CCNA1: variants seen among roughly 807,000 people sequenced by gnomAD.
CCNA1 encodes the protein cyclin A1, also known as cyclin-A1.
CCNA1 carries 23 observed loss-of-function variants against 54.1 expected under a neutral mutation model. The observed-to-expected ratio is 0.42, with a 90% CI of 0.31 to 0.60. CCNA1 has a LOEUF of 0.60. CCNA1 is among the 20% of genes least tolerant of loss of function. The pLI is 0.14. For synonymous variants in CCNA1, 208 were observed against 213.9 expected (o/e 0.97, Z 0.24); for missense variants, 450 against 556.7 (o/e 0.81, Z 1.93).
At position 36,442,736 on chromosome 13, in the gene CCNA1, G is replaced by A. The variant is rs1010267371; in HGVS notation, c.*71G>A. The stretch of plus-strand genomic sequence containing the variant: ...GTGCCAATAATCGTCATAGGCTTCT[G>A]CACGTTGGATCAACTAATGTTGTTT... On this transcript the variant is annotated 3_prime_UTR_variant, in exon 9 of 9. Coordinates refer to ENST00000255465, the MANE Select transcript of CCNA1 (RefSeq NM_003914.4). The A allele has an allele frequency of 2.6e-5, 32 of 1,225,844 alleles. No individual in the cohort carries two copies. Among genetic ancestry groups the A allele is most frequent in the Non-Finnish European group, 3.6e-5 (30 of 831,466 alleles). The allele number at this position is 1,225,844 out of a possible 1,614,324, so 75.9% of individuals were successfully genotyped here. A position where few individuals can be genotyped will look rare whatever the true frequency, so the allele number is the denominator to read the frequency against.
At chr13:36,437,532 TCTTAC>T in intron 2 of CCNA1, 92 bp from the exon 3 acceptor site, 1 of 1,211,458 alleles carries the variant, frequency 8.3e-7, no homozygotes, top group Non-Finnish European at 1.2e-6. Context: ...TTAGAATGTA[TCTTAC>T]CTTCCCAGGC....
At chr13:36,432,202 G>A (rs1477099513), upstream of CCNA1, 2 of 168,752 alleles carry the variant, frequency 1.2e-5, no homozygotes, top group African/African-American at 4.8e-5. Context: ...GCCCCGGAGA[G>A]CGCACGCCTG....
In CCNA1 at chr13:36,438,062, T is replaced by C. The variant is rs1421845920; in HGVS notation, c.545-5T>C. On this transcript the variant is annotated splice_region_variant and splice_polypyrimidine_tract_variant and intron_variant, in intron 3 of 8. Transcript: ENST00000255465. Reference sequence around the variant, plus strand: ...GAGTTATCTGACAGTGTTGAACTCTTGCAGTTTCCCCTATGCTGGTAGATT... The same window carrying C: ...GAGTTATCTGACAGTGTTGAACTCTCGCAGTTTCCCCTATGCTGGTAGATT... 1.4e-5 allele frequency: 22 copies of C among 1,612,030 alleles called. No homozygotes were observed. The highest frequency in any genetic ancestry group is 1.9e-5 in the Non-Finnish European group (22 of 1,179,394).
chr13:36,434,700 T>C (rs886258177), intron 2 of CCNA1, among the ~76,000 whole-genome samples: 2 of 151,814 alleles, frequency 1.3e-5, no homozygotes, highest in South Asian at 4.2e-4. Context: ...GCTGATCACT[T>C]TGTATCTTAT....
At chr13:36,433,329 A>G in intron 2 of CCNA1, 108 bp downstream of exon 2, 1 of 619,666 alleles carries the variant, frequency 1.6e-6, no homozygotes, top group Non-Finnish European at 2.6e-6. Flanking sequence ...CCTGAGTATT[A>G]CAACCCTGGA....
intron 1 of CCNA1, 83 bp from the exon 2 acceptor site, chr13:36,432,950 C>T (rs1264883917): frequency 7.6e-7 from 1 of 1,318,688 alleles, no homozygotes; most frequent in Non-Finnish European, 1.1e-6. Flanking sequence ...TGGTGCTCTC[C>T]CTCCTAGAGG....
Position 36,437,621 on chromosome 13 carries a change from T to G in CCNA1, c.298-8T>G, listed in dbSNP as rs1566171588. On this transcript the variant is annotated splice_polypyrimidine_tract_variant and splice_region_variant and intron_variant, in intron 2 of 8. Transcript: ENST00000255465. ...TGGCCTCTAACAAAAGATTTAAACG[T>G]TTTTTAGGGGATCACAAGAATCAGG... The G allele has an allele frequency of 3.7e-6, 6 of 1,613,074 alleles. No individual in the cohort carries two copies. The highest frequency in any genetic ancestry group is 5.1e-6 in the Non-Finnish European group (6 of 1,179,634).
In CCNA1 at chr13:36,433,141, C is replaced by T. The variant is rs370590641; in HGVS notation, c.217C>T (p.Pro73Ser). 7 of 1,614,172 alleles carry T rather than the reference C, an allele frequency of 4.3e-6. No homozygotes were observed. The highest frequency in any genetic ancestry group is 5.9e-6 in the Non-Finnish European group (7 of 1,180,034). ...TGCTTGTCAGATACTCACCAGAGCCCCGCTGGGCCAGGATCCCCCGCAGAG... is the reference window on the plus strand; with the variant it reads ...TGCTTGTCAGATACTCACCAGAGCCTCGCTGGGCCAGGATCCCCCGCAGAG... Residue 73 changes from proline (P) to serine (S), a missense_variant, in exon 2 of 9, where the codon CCG (proline) becomes TCG (serine). Coordinates refer to ENST00000255465, the MANE Select transcript of CCNA1 (RefSeq NM_003914.4).
Position 36,433,802 on chromosome 13 carries a change from A to G in CCNA1, c.297+581A>G, listed in dbSNP as rs563258094. Among the ~76,000 whole-genome samples, 12 of 152,068 alleles carry G rather than the reference A, an allele frequency of 7.9e-5. No homozygotes were observed. The South Asian group carries it at 1.0e-3, about 13-fold the overall frequency. On this transcript the variant is annotated intron_variant, in intron 2 of 8. Coordinates refer to ENST00000255465, the MANE Select transcript of CCNA1 (RefSeq NM_003914.4). ...GTGACCCGCCCACCTCGGCCTCCCAAAGTGTTGGGATTACAGGCGTCAGCC... is the reference window on the plus strand; with the variant it reads ...GTGACCCGCCCACCTCGGCCTCCCAGAGTGTTGGGATTACAGGCGTCAGCC...
chr13:36,441,129 G>T lies in CCNA1; in HGVS notation c.1110G>T (p.Glu370Asp). ...TCTCTTGTGCTTAGTACGTAGCAGAGCTGAGTCTACTTGAAGCAGATCCAT... is the reference window on the plus strand; with the variant it reads ...TCTCTTGTGCTTAGTACGTAGCAGATCTGAGTCTACTTGAAGCAGATCCAT... The change falls in exon 7 of 9, where the codon GAG becomes GAT. Residue 370 changes from glutamate to aspartate, a missense_variant. Physicochemically the swap from Glu to Asp is conservative, Grantham distance 45. Transcript: ENST00000255465. 6.3e-7 allele frequency: 1 copy of T among 1,598,616 alleles called. No homozygotes were observed. The highest frequency in any genetic ancestry group is 2.2e-5 in the East Asian group (1 of 44,756).
chr13:36,441,258 A>T, intron 7 of CCNA1, 27 bp downstream of exon 7: 1 of 1,371,762 alleles, frequency 7.3e-7, no homozygotes. Context: ...TTTCTAGATG[A>T]AATTCAAGGT....
upstream of CCNA1, chr13:36,432,017 C>G (rs1220333227): frequency 6.5e-6 from 1 of 152,908 alleles, no homozygotes; most frequent in Non-Finnish European, 1.5e-5. Context: ...GCCGGGGGCG[C>G]GGACCAGAGG....
At chr13:36,433,383 TTTC>T in intron 2 of CCNA1, among the ~76,000 whole-genome samples, 162 bp downstream of exon 2, 1 of 58,860 alleles carries the variant, frequency 1.7e-5, no homozygotes, top group Non-Finnish European at 3.1e-5. Flanking sequence ...TCTTTCTTTC[TTTC>T]TTTCTTTCTT....
chr13:36,438,779 G>A lies in CCNA1; in HGVS notation c.805G>A (p.Val269Ile), dbSNP rs1463745004. 3.1e-6 allele frequency: 5 copies of A among 1,614,138 alleles called. No homozygotes were observed. The highest frequency in any genetic ancestry group is 4.2e-6 in the Non-Finnish European group (5 of 1,179,992). Residue 269 changes from valine (V) to isoleucine (I), a missense_variant, in exon 5 of 9, where the codon GTC becomes ATC. Coordinates refer to ENST00000255465, the MANE Select transcript of CCNA1 (RefSeq NM_003914.4). ...TCGAGCAGAGACCCTGTATCTGGCTGTCAACTTCCTGGACAGGTTCCTTTC... is the reference window on the plus strand; with the variant it reads ...TCGAGCAGAGACCCTGTATCTGGCTATCAACTTCCTGGACAGGTTCCTTTC...
Position 36,441,245 on chromosome 13 carries a change from T to C in CCNA1, c.1212+14T>C. 1 of 1,484,540 alleles carries C rather than the reference T, an allele frequency of 6.7e-7. No homozygotes were observed. Among genetic ancestry groups the C allele is most frequent in the African/African-American group, 1.4e-5 (1 of 72,350 alleles). 92.0% of individuals were successfully genotyped at this position (1,484,540 alleles called of 1,614,324 possible). ...AAGCACTTTTGGGTAAGATTCTAAC[T>C]TCTTTCTAGATGAAATTCAAGGTCT... On this transcript the variant is annotated intron_variant, in intron 7 of 8. Coordinates refer to ENST00000255465, the MANE Select transcript of CCNA1 (RefSeq NM_003914.4).
In CCNA1 at chr13:36,441,104, T is replaced by A. The variant is rs1440061121; in HGVS notation, c.1099-14T>A. The A allele has an allele frequency of 1.4e-6, 2 of 1,414,764 alleles. No individual in the cohort carries two copies. Among genetic ancestry groups the A allele is most frequent in the Non-Finnish European group, 2.0e-6 (2 of 1,010,360 alleles). 87.6% of individuals were successfully genotyped at this position (1,414,764 alleles called of 1,614,324 possible). ...CATTTCTAATTCCAATGTGTTTTCT[T>A]CTCTTGTGCTTAGTACGTAGCAGAG... On this transcript the variant is annotated splice_polypyrimidine_tract_variant and intron_variant, in intron 6 of 8. Coordinates refer to ENST00000255465, the MANE Select transcript of CCNA1 (RefSeq NM_003914.4).
chr13:36,437,809 G>A lies in CCNA1; in HGVS notation c.478G>A (p.Asp160Asn), dbSNP rs1330813163. The A allele has an allele frequency of 4.3e-6, 7 of 1,614,156 alleles. No individual in the cohort carries two copies. The highest frequency in any genetic ancestry group is 3.3e-4 in the Middle Eastern group (2 of 6,062). The change falls in exon 3 of 9, where the codon GAT becomes AAT. Residue 160 changes from aspartate to asparagine, a missense_variant. Coordinates refer to ENST00000255465, the MANE Select transcript of CCNA1 (RefSeq NM_003914.4). ...GGTCAGAGAGGGGATGGCATTTGAG[G>A]ATGTGTATGAAGTAGACACCGGCAC...
intron 2 of CCNA1, among the ~76,000 whole-genome samples, chr13:36,435,886 A>G (rs1015216476): frequency 2.6e-5 from 4 of 152,216 alleles, no homozygotes; most frequent in Admixed American, 6.5e-5. Flanking sequence ...TCCTTGTCTC[A>G]GTAAATGGAG....
At chr13:36,432,923 G>C in intron 1 of CCNA1, 110 bp from the exon 2 acceptor site, 1 of 1,080,616 alleles carries the variant, frequency 9.3e-7, no homozygotes, top group Non-Finnish European at 1.4e-6. Flanking sequence ...TCAGCAATTG[G>C]TGTTAGTCCC....
Sources: gnomAD v4.1 joint callset for allele counts (sites outside exome capture counted in the v4.1 genomes callset) on GRCh38, gnomAD v4.1.1 for gene constraint, MANE v1.5 for transcripts, NCBI Gene and HGNC (gene_info 2026-07-23, HGNC 2026-07-21) for gene names.